Variants in THAP12 observed in about 807,000 individuals in gnomAD.
The protein encoded by THAP12 is 52 kDa repressor of the inhibitor of the protein kinase.
THAP12 carries 20 observed loss-of-function variants against 63.0 expected under a neutral mutation model. The observed-to-expected ratio is 0.32, with a 90% confidence interval of 0.22 to 0.46. THAP12 has a LOEUF of 0.46. Ranked by LOEUF, THAP12 falls within the 20% of genes least tolerant of loss-of-function variation. The pLI is 1.00. For missense variants in THAP12, 568 were observed against 908.2 expected (o/e 0.63, Z 4.81); for synonymous variants, 264 against 328.4 (o/e 0.80, Z 2.12).
chr11:76,376,619 TTTTTG>T (rs1946712642), intron 1 of THAP12, among the ~76,000 whole-genome samples: 5 of 141,376 alleles, frequency 3.5e-5, no homozygotes, highest in Admixed American at 1.4e-4. Flanking sequence ...GTCTATGTTT[TTTTTG>T]TTTTTTTTTT....
intron 2 of THAP12, among the ~76,000 whole-genome samples, chr11:76,362,281 A>T (rs1008988884): frequency 6.6e-6 from 1 of 152,276 alleles, no homozygotes; most frequent in Non-Finnish European, 1.5e-5. Context: ...ATATCTAAGC[A>T]TGCTCAAAGA....
chr11:76,362,695 A>G (rs1220263454), intron 2 of THAP12, among the ~76,000 whole-genome samples: 4 of 152,252 alleles, frequency 2.6e-5, no homozygotes, highest in Non-Finnish European at 5.9e-5. Flanking sequence ...TCAATTCTTG[A>G]TATCTTACTA....
At chr11:76,360,549 A>T (rs1179774486) in intron 3 of THAP12, among the ~76,000 whole-genome samples, 1 of 152,218 alleles carries the variant, frequency 6.6e-6, no homozygotes, top group East Asian at 1.9e-4. Context: ...ATAGTGATAG[A>T]AACCTTATCT....
rs1280401314 is a variant in THAP12, at chr11:76,380,922, C to A, written c.-86G>T. Reference sequence around the variant, plus strand: ...CGCCCGTCGGGGCCGGGGAGGGGAGCCAGGCCGGCCGGCCGGCTCGGCAGG... The same window carrying A: ...CGCCCGTCGGGGCCGGGGAGGGGAGACAGGCCGGCCGGCCGGCTCGGCAGG... On this transcript the variant is annotated 5_prime_UTR_variant, in exon 1 of 5. Coordinates refer to ENST00000260045, the MANE Select transcript of THAP12 (RefSeq NM_004705.4). 3.6e-6 allele frequency: 3 copies of A among 839,966 alleles called. No homozygotes were observed. Among genetic ancestry groups the A allele is most frequent in the African/African-American group, 1.8e-5 (1 of 54,668 alleles). The allele number at this position is 839,966 out of a possible 1,614,324, so 52.0% of individuals were successfully genotyped here. A position where few individuals can be genotyped will look rare whatever the true frequency, so the allele number is the denominator to read the frequency against.
intron 3 of THAP12, chr11:76,358,477 C>A (rs952506041): frequency 6.6e-6 from 1 of 152,068 alleles, no homozygotes; most frequent in Non-Finnish European, 1.5e-5. Context: ...CTATTAAATA[C>A]ATGCAATGAA....
chr11:76,369,467 G>GTTAGGGC (rs1946655324), intron 1 of THAP12, among the ~76,000 whole-genome samples: 1 of 152,256 alleles, frequency 6.6e-6, no homozygotes, highest in African/African-American at 2.4e-5. Context: ...CAGAAAAAGA[G>GTTAGGGC]TTAACACAGC....
chr11:76,368,621 G>C (rs1316144209), intron 1 of THAP12: 1 of 152,170 alleles, frequency 6.6e-6, no homozygotes, highest in Non-Finnish European at 1.5e-5. Flanking sequence ...AAACAAAATA[G>C]AGCACTGCAG....
chr11:76,367,079 T>TTG (rs1479340268), intron 1 of THAP12, among the ~76,000 whole-genome samples: 1 of 142,592 alleles, frequency 7.0e-6, no homozygotes, highest in Non-Finnish European at 1.6e-5. Flanking sequence ...TTCTTTTCTT[T>TTG]TCTTTTTTTT....
At chr11:76,355,728 T>G in intron 3 of THAP12, 74 bp from the exon 4 acceptor site, 1 of 1,241,816 alleles carries the variant, frequency 8.1e-7, no homozygotes, top group Middle Eastern at 1.9e-4. Context: ...CATCTTAGAC[T>G]CACAAATACA....
At position 76,351,577 on chromosome 11, in the gene THAP12, T is replaced by A. The variant is rs189967000; in HGVS notation, c.1573A>T (p.Met525Leu). 10 of 1,584,184 alleles carry A rather than the reference T, an allele frequency of 6.3e-6. No homozygotes were observed. The Admixed American group carries it at 1.8e-4, about 28-fold the overall frequency. Residue 525 changes from methionine (M) to leucine (L), a missense_variant, in exon 5 of 5, where the codon ATG becomes TTG. By Grantham distance (15) the Met-to-Leu change is conservative. Transcript: ENST00000260045. ...TCATGATAAACTTCAATATTTTCCA[T>A]CACTTCGTTGAGTGAATGCAGTACT... The part of the protein sequence containing the change: ...TAVLHSLNEV[M>L]ENIEVYHEFW...
chr11:76,379,927 G>C (rs745999307), intron 1 of THAP12, among the ~76,000 whole-genome samples: 2 of 152,090 alleles, frequency 1.3e-5, no homozygotes, highest in Non-Finnish European at 2.9e-5. Context: ...TCCCTTACTG[G>C]ACTGAGAGCT....
At chr11:76,366,055 A>AT (rs1349593821) in intron 1 of THAP12, 83 bp from the exon 2 acceptor site, 1 of 1,433,844 alleles carries the variant, frequency 7.0e-7, no homozygotes, top group African/African-American at 1.4e-5. Flanking sequence ...AACATACATT[A>AT]ATAACAACGG....
chr11:76,380,423 T>TC (rs760696926), intron 1 of THAP12, among the ~76,000 whole-genome samples: 178 of 151,952 alleles, frequency 1.2e-3, no homozygotes, highest in Non-Finnish European at 2.1e-3. Flanking sequence ...GGAAAGCGAC[T>TC]CCCCCGAGGT....
In THAP12 at chr11:76,374,470, G is replaced by A. The variant is rs561946083; in HGVS notation, c.89+6278C>T. On this transcript the variant is annotated intron_variant, in intron 1 of 4. Coordinates refer to ENST00000260045, the MANE Select transcript of THAP12 (RefSeq NM_004705.4). Reference sequence around the variant, plus strand: ...ATTAGAGAGCTGTCAAGCTCACAGTGGCACATAAATTTTCCAAAATTCTAA... The same window carrying A: ...ATTAGAGAGCTGTCAAGCTCACAGTAGCACATAAATTTTCCAAAATTCTAA... Among the ~76,000 whole-genome samples, 7 of 151,626 alleles carry A rather than the reference G, an allele frequency of 4.6e-5. No individual in the cohort carries two copies. The South Asian group carries it at 1.5e-3, about 32-fold the overall frequency.
chr11:76,380,459 A>G (rs1452111544), intron 1 of THAP12, among the ~76,000 whole-genome samples: 1 of 152,176 alleles, frequency 6.6e-6, no homozygotes, highest in Non-Finnish European at 1.5e-5. Context: ...CCACGGCGAG[A>G]ACCCACAGCA....
intron 1 of THAP12, among the ~76,000 whole-genome samples, chr11:76,371,935 C>T (rs1946677543): frequency 1.3e-5 from 2 of 151,482 alleles, no homozygotes; most frequent in Admixed American, 6.6e-5. Context: ...GCCTCAGCCT[C>T]CTGAGTAGCT....
intron 2 of THAP12, among the ~76,000 whole-genome samples, chr11:76,363,331 G>A (rs936104890): frequency 6.6e-6 from 1 of 151,886 alleles, no homozygotes; most frequent in African/African-American, 2.4e-5. Flanking sequence ...ATTTGGCTCC[G>A]GCCAAATTCA....
At chr11:76,362,172 C>T (rs770327459) in intron 2 of THAP12, among the ~76,000 whole-genome samples, 14 of 152,132 alleles carry the variant, frequency 9.2e-5, no homozygotes, top group Non-Finnish European at 1.0e-4. Flanking sequence ...TCAGACAGTC[C>T]AAAGAATAGT....
At chr11:76,372,222 G>C (rs1000422203) in intron 1 of THAP12, among the ~76,000 whole-genome samples, 1 of 152,146 alleles carries the variant, frequency 6.6e-6, no homozygotes, top group South Asian at 2.1e-4. Context: ...ACAAAGTGCT[G>C]GGATTACAGG....
Sources: allele counts gnomAD v4.1 joint callset (sites outside exome capture counted in the v4.1 genomes callset), GRCh38; gene constraint gnomAD v4.1.1; transcripts MANE v1.5; gene names NCBI Gene and HGNC (gene_info 2026-07-23, HGNC 2026-07-21).